The following SYTL5 variants were observed in gnomAD, a reference collection of about 807,000 sequenced individuals.
SYTL5 encodes the protein synaptotagmin like 5, also known as synaptotagmin-like protein 5.
Under a neutral mutation model 55.9 loss-of-function variants are expected in SYTL5, and 34 were observed. That is an observed-to-expected ratio of 0.61 (90% CI 0.46 to 0.81). The LOEUF (loss-of-function observed/expected upper bound fraction) is 0.81. Among genes scored for constraint, SYTL5 ranks in the 30% least tolerant of loss-of-function variants. SYTL5 has a pLI of 0.00. For missense variants in SYTL5, 637 were observed against 546.7 expected, an observed-to-expected ratio of 1.17 and a Z score of -1.65; for synonymous variants, 221 against 188.7, an observed-to-expected ratio of 1.17 and a Z score of -1.40.
upstream of SYTL5, among the ~76,000 whole-genome samples, chrX:38,001,869 A>G (rs1933867045): frequency 9.0e-6 from 1 of 111,090 alleles, no homozygotes; most frequent in East Asian, 2.8e-4. Flanking sequence ...TTAAATATAT[A>G]TATTTTTTAC....
chrX:37,939,227 C>G, the SYTL5 span, among the ~76,000 whole-genome samples: 2 of 106,664 alleles, frequency 1.9e-5, no homozygotes, highest in African/African-American at 6.9e-5. Flanking sequence ...CACCATTGCA[C>G]TCCAGCCTAG....
the SYTL5 span, among the ~76,000 whole-genome samples, chrX:37,953,689 G>A: frequency 9.0e-6 from 1 of 110,985 alleles, no homozygotes; most frequent in Non-Finnish European, 1.9e-5. Context: ...GACTCTAATT[G>A]GTCAGGTATA....
intron 8 of SYTL5, among the ~76,000 whole-genome samples, chrX:38,094,730 A>G (rs1438476898): frequency 8.9e-6 from 1 of 111,951 alleles, no homozygotes; most frequent in East Asian, 2.8e-4. Flanking sequence ...ATTCCAGGAT[A>G]CATTTGCTAT....
At chrX:37,937,806 G>T in the SYTL5 span, among the ~76,000 whole-genome samples, 2 of 112,420 alleles carry the variant, frequency 1.8e-5, no homozygotes, top group Non-Finnish European at 3.8e-5. Flanking sequence ...CACAGATGTT[G>T]TATATAAAGC....
chrX:37,891,449 A>T, the SYTL5 span, among the ~76,000 whole-genome samples: 1 of 111,977 alleles, frequency 8.9e-6, no homozygotes, highest in Non-Finnish European at 1.9e-5. Flanking sequence ...TAGAAAGTAG[A>T]TTAGTGCTTG....
intron 3 of SYTL5, among the ~76,000 whole-genome samples, chrX:38,063,093 T>G (rs1237810565): frequency 1.8e-5 from 2 of 111,278 alleles, no homozygotes; most frequent in Non-Finnish European, 3.8e-5. Flanking sequence ...TGTGGAGTTT[T>G]TTTTTTCATT....
the SYTL5 span, among the ~76,000 whole-genome samples, chrX:37,988,551 T>C: frequency 1.8e-5 from 2 of 112,182 alleles, no homozygotes; most frequent in African/African-American, 6.5e-5. Context: ...CTGGAATAAT[T>C]TTCAGGAGCA....
At chrX:37,966,035 A>AT in the SYTL5 span, among the ~76,000 whole-genome samples, 223 of 111,982 alleles carry the variant, frequency 2.0e-3, 1 homozygote, top group Non-Finnish European at 3.5e-3. Context: ...GTTGGATCTT[A>AT]TTTTTTTACC....
At chrX:37,936,973 C>T in the SYTL5 span, among the ~76,000 whole-genome samples, 1 of 107,752 alleles carries the variant, frequency 9.3e-6, no homozygotes, top group East Asian at 2.9e-4. Flanking sequence ...TTGCTTGAAC[C>T]CGGGAGGCGA....
intron 3 of SYTL5, among the ~76,000 whole-genome samples, chrX:38,061,724 T>C (rs907115056): frequency 1.8e-5 from 2 of 111,556 alleles, no homozygotes; most frequent in African/African-American, 6.5e-5. Flanking sequence ...AGTTGGCTAT[T>C]GTAAGCCTAG....
upstream of SYTL5, among the ~76,000 whole-genome samples, chrX:38,002,959 T>C (rs1438227198): frequency 8.9e-6 from 1 of 111,833 alleles, no homozygotes; most frequent in Middle Eastern, 4.2e-3. Context: ...ATGTCCTGAA[T>C]GGTATTGCCT....
chrX:37,992,782 A>G, the SYTL5 span, among the ~76,000 whole-genome samples: 1 of 112,262 alleles, frequency 8.9e-6, no homozygotes, highest in South Asian at 3.7e-4. Context: ...ATTTGGGAAT[A>G]TTTAATTTAT....
the SYTL5 span, among the ~76,000 whole-genome samples, chrX:37,942,017 G>A: frequency 3.6e-5 from 4 of 111,726 alleles, no homozygotes; most frequent in East Asian, 2.8e-4. Context: ...ATTAAAAGTC[G>A]TTAGTGGTAT....
Position 38,085,422 on chromosome X carries a change from AAGACAC to A in SYTL5, c.690-4021_690-4016del, listed in dbSNP as rs1936642030. ...CTCATCTCACATAAGACTATTAATA[AAGACAC>A]AGCACTTGGGGATCACCAAAGACTA... On this transcript the variant is annotated intron_variant, in intron 6 of 16. Transcript: ENST00000297875. Among the ~76,000 whole-genome samples the A allele has an allele frequency of 2.7e-5, 3 of 111,701 alleles. No homozygotes were observed. In the South Asian group the frequency reaches 1.1e-3, roughly 42 times the overall value.
At chrX:37,978,897 T>C in the SYTL5 span, among the ~76,000 whole-genome samples, 1 of 111,196 alleles carries the variant, frequency 9.0e-6, no homozygotes, top group African/African-American at 3.3e-5. Flanking sequence ...GAAGGAAGGG[T>C]AAACATTTTA....
intron 1 of SYTL5, among the ~76,000 whole-genome samples, chrX:38,015,320 C>A (rs1339524176): frequency 1.8e-5 from 2 of 112,336 alleles, no homozygotes; most frequent in African/African-American, 6.5e-5. Context: ...GGAATCCCAC[C>A]ATTTCACATG....
the SYTL5 span, among the ~76,000 whole-genome samples, chrX:37,991,977 G>A: frequency 8.9e-6 from 1 of 111,913 alleles, no homozygotes; most frequent in Non-Finnish European, 1.9e-5. Context: ...TTTATGATCT[G>A]GCCTAAGATG....
chrX:37,915,181 C>A, the SYTL5 span, among the ~76,000 whole-genome samples: 1 of 111,168 alleles, frequency 9.0e-6, no homozygotes, highest in African/African-American at 3.3e-5. Flanking sequence ...CGTGCACAGG[C>A]GTGTGTTGGG....
intron 3 of SYTL5, among the ~76,000 whole-genome samples, chrX:38,056,724 C>T (rs1935797459): frequency 8.9e-6 from 1 of 111,846 alleles, no homozygotes; most frequent in African/African-American, 3.2e-5. Context: ...TGTTGTTGAA[C>T]ACCTTTTCAT....
Sources: gnomAD v4.1 joint callset for allele counts (sites outside exome capture counted in the v4.1 genomes callset) on GRCh38, gnomAD v4.1.1 for gene constraint, MANE v1.5 for transcripts, NCBI Gene and HGNC (gene_info 2026-07-23, HGNC 2026-07-21) for gene names.